Variants in CCDC33 observed in about 807,000 individuals in gnomAD.
The protein encoded by CCDC33 is coiled-coil domain-containing protein 33.
In CCDC33, 94 loss-of-function variants were observed where a neutral mutation model predicts 91.9. The ratio of observed to expected loss-of-function variants is 1.02; its 90% CI spans 0.87 to 1.21. CCDC33 has a LOEUF of 1.21. Ranked by LOEUF, CCDC33 falls within the 50% of genes most tolerant of loss-of-function variation. The pLI, the probability that CCDC33 is intolerant of heterozygous loss-of-function variation, is 0.00. For missense variants in CCDC33, 940 were observed against 935.5 expected, an observed-to-expected ratio of 1.00 and a Z score of -0.06; for synonymous variants, 396 against 374.5, an observed-to-expected ratio of 1.06 and a Z score of -0.66.
chr15:74,293,652 C>T (rs1371975954), intron 10 of CCDC33, among the ~76,000 whole-genome samples: 2 of 152,164 alleles, frequency 1.3e-5, no homozygotes. Context: ...CTGAGAGGAC[C>T]AGGTGGGAGA....
intron 2 of CCDC33, chr15:74,221,241 TTTCACC>T: frequency 3.5e-6 from 3 of 848,016 alleles, no homozygotes; most frequent in Non-Finnish European, 4.2e-6. Context: ...TTTTTTTTTT[TTTCACC>T]AGAACTGATG....
At chr15:74,209,380 A>G (rs2074332544) in intron 1 of CCDC33, 2 of 1,534,412 alleles carry the variant, frequency 1.3e-6, no homozygotes, top group Non-Finnish European at 1.7e-6. Flanking sequence ...CCCATCCATC[A>G]CTCCCAGGGG....
chr15:74,306,227 A>G (rs1317162421), intron 11 of CCDC33, among the ~76,000 whole-genome samples: 1 of 152,202 alleles, frequency 6.6e-6, no homozygotes, highest in African/African-American at 2.4e-5. Flanking sequence ...AGACACATCA[A>G]GAATGGCTGG....
At chr15:74,298,103 AAG>A (rs1248844462) in intron 11 of CCDC33, among the ~76,000 whole-genome samples, 1 of 152,244 alleles carries the variant, frequency 6.6e-6, no homozygotes, top group Non-Finnish European at 1.5e-5. Context: ...CTGCTGGGTA[AAG>A]CATCCAAGGT....
chr15:74,270,471 G>T (rs1357144273), intron 5 of CCDC33, among the ~76,000 whole-genome samples: 1 of 152,180 alleles, frequency 6.6e-6, no homozygotes, highest in Non-Finnish European at 1.5e-5. Context: ...GTCGGGCAGG[G>T]AATAACGTGA....
intron 2 of CCDC33, among the ~76,000 whole-genome samples, chr15:74,258,252 C>T (rs935615121): frequency 6.6e-6 from 1 of 152,192 alleles, no homozygotes; most frequent in Non-Finnish European, 1.5e-5. Flanking sequence ...GAACATCACT[C>T]TAGTCTCTCA....
At chr15:74,273,924 C>T (rs1247416979) in intron 7 of CCDC33, among the ~76,000 whole-genome samples, 1 of 150,938 alleles carries the variant, frequency 6.6e-6, no homozygotes, top group African/African-American at 2.4e-5. Context: ...CTCCGCCTCC[C>T]AGGTTCAAGC....
intron 10 of CCDC33, among the ~76,000 whole-genome samples, chr15:74,283,607 C>T (rs930228668): frequency 9.9e-5 from 15 of 152,284 alleles, no homozygotes; most frequent in Non-Finnish European, 1.8e-4. Context: ...ATTCATTTAG[C>T]TGCTGAGTGT....
chr15:74,296,689 G>A (rs1010421371), intron 11 of CCDC33, among the ~76,000 whole-genome samples: 6 of 152,190 alleles, frequency 3.9e-5, no homozygotes, highest in African/African-American at 1.4e-4. Flanking sequence ...CTGTGTCCTT[G>A]ATCATGGGAG....
chr15:74,281,889 A>G, intron 10 of CCDC33, 40 bp downstream of exon 10: 1 of 1,565,120 alleles, frequency 6.4e-7, no homozygotes, highest in Non-Finnish European at 8.8e-7. Flanking sequence ...GCCAGCAGGC[A>G]CATGTCAGTG....
At chr15:74,318,457 G>T in intron 11 of CCDC33, 1 of 552,322 alleles carries the variant, frequency 1.8e-6, no homozygotes, top group Non-Finnish European at 3.2e-6. Flanking sequence ...CCCCCACCCT[G>T]GAACAAAGGG....
intron 11 of CCDC33, chr15:74,318,592 G>C (rs764658994): frequency 1.4e-6 from 1 of 734,566 alleles, no homozygotes; most frequent in East Asian, 2.6e-5. Context: ...CAGTAAAGAT[G>C]GGGGAGCCAG....
intron 2 of CCDC33, among the ~76,000 whole-genome samples, chr15:74,249,014 G>A (rs1023304356): frequency 9.9e-5 from 15 of 152,108 alleles, no homozygotes; most frequent in Non-Finnish European, 1.6e-4. Flanking sequence ...AGAAGAAACC[G>A]GATATATACT....
intron 11 of CCDC33, among the ~76,000 whole-genome samples, chr15:74,310,091 C>T (rs961639886): frequency 3.3e-5 from 5 of 151,476 alleles, no homozygotes; most frequent in African/African-American, 9.7e-5. Context: ...GTTGAGGCTG[C>T]GGGCAGTGAG....
chr15:74,258,631 T>C (rs1257663067), intron 2 of CCDC33, among the ~76,000 whole-genome samples: 4 of 152,158 alleles, frequency 2.6e-5, no homozygotes, highest in African/African-American at 7.2e-5. Context: ...TATGTGTGTG[T>C]GCATGCATTT....
chr15:74,319,305 A>T (rs1370787006), intron 11 of CCDC33, among the ~76,000 whole-genome samples: 1 of 152,238 alleles, frequency 6.6e-6, no homozygotes, highest in African/African-American at 2.4e-5. Context: ...CTGTGGGCAG[A>T]GGCTGGATCA....
chr15:74,211,142 C>T (rs182343625), intron 2 of CCDC33, among the ~76,000 whole-genome samples: 54 of 52,890 alleles, frequency 1.0e-3, no homozygotes, highest in East Asian at 6.3e-4. Flanking sequence ...CCCACCACTA[C>T]GCACGCACAC....
At chr15:74,309,203 G>A (rs116264669) in intron 11 of CCDC33, among the ~76,000 whole-genome samples, 5,323 of 152,204 alleles carry the variant, frequency 0.035, 141 homozygotes, top group South Asian at 0.13. Flanking sequence ...AGCCTGATGG[G>A]CCCTGGGGCT....
Position 74,323,464 on chromosome 15 carries a change from C to G in CCDC33, c.1291-6725C>G, listed in dbSNP as rs146396991. 8.9e-4 allele frequency among the ~76,000 whole-genome samples: 136 copies of G among 152,216 alleles called. 3 individuals carry two copies. In the East Asian group the frequency reaches 0.024, roughly 27 times the overall value. ...CCCCTCCCAGCCACACCCCTCCTCTCCTGGATGTAATCACTCTGCCAGCTT... is the reference window on the plus strand; with the variant it reads ...CCCCTCCCAGCCACACCCCTCCTCTGCTGGATGTAATCACTCTGCCAGCTT... On this transcript the variant is annotated intron_variant, in intron 11 of 18. Coordinates refer to ENST00000398814, the MANE Select transcript of CCDC33 (RefSeq NM_025055.5).
Sources: allele counts gnomAD v4.1 joint callset (sites outside exome capture counted in the v4.1 genomes callset), GRCh38; gene constraint gnomAD v4.1.1; transcripts MANE v1.5; gene names NCBI Gene and HGNC (gene_info 2026-07-23, HGNC 2026-07-21).